G2E3: variants seen among roughly 807,000 people sequenced by gnomAD.
G2E3 encodes G2/M-phase specific E3 ubiquitin protein ligase.
Under a neutral mutation model 92.8 loss-of-function variants are expected in G2E3, and 35 were observed. That is an observed-to-expected ratio of 0.38 (90% CI 0.29 to 0.50). G2E3 has a LOEUF of 0.50. Among genes scored for constraint, G2E3 ranks in the 20% least tolerant of loss-of-function variants. The pLI is 0.94. For synonymous variants in G2E3, 242 were observed against 272.4 expected, an observed-to-expected ratio of 0.89 and a Z score of 1.10; for missense variants, 554 against 823.8, an observed-to-expected ratio of 0.67 and a Z score of 4.01.
chr14:30,562,329 T>A (rs1206082574), intron 1 of G2E3, among the ~76,000 whole-genome samples: 2 of 152,086 alleles, frequency 1.3e-5, no homozygotes, highest in Non-Finnish European at 2.9e-5. Flanking sequence ...AATTACTCTT[T>A]ATTCCAATAT....
At chr14:30,576,154 C>G (rs1327141979) in intron 1 of G2E3, among the ~76,000 whole-genome samples, 2 of 152,146 alleles carry the variant, frequency 1.3e-5, no homozygotes, top group Non-Finnish European at 2.9e-5. Flanking sequence ...CAGCATAGTA[C>G]TGGTACAAAA....
At chr14:30,563,693 T>TGTG (rs1879255110) in intron 1 of G2E3, among the ~76,000 whole-genome samples, 1 of 118,422 alleles carries the variant, frequency 8.4e-6, no homozygotes, top group African/African-American at 3.7e-5. Flanking sequence ...ACTTTGTTAC[T>TGTG]TTTGTGTGTG....
At chr14:30,612,760 G>C (rs1566553456) in intron 13 of G2E3, among the ~76,000 whole-genome samples, 2 of 152,088 alleles carry the variant, frequency 1.3e-5, no homozygotes, top group Non-Finnish European at 2.9e-5. Flanking sequence ...GGGAGGCTGA[G>C]GCAGGAGAAT....
intron 1 of G2E3, among the ~76,000 whole-genome samples, chr14:30,568,399 T>G (rs1359001762): frequency 1.3e-5 from 2 of 152,114 alleles, no homozygotes; most frequent in African/African-American, 2.4e-5. Flanking sequence ...GTGTAATTCA[T>G]TTACATTTAA....
intron 1 of G2E3, among the ~76,000 whole-genome samples, chr14:30,577,369 C>G (rs1411618999): frequency 6.6e-6 from 1 of 151,944 alleles, no homozygotes; most frequent in Non-Finnish European, 1.5e-5. Context: ...TAACAGATAA[C>G]TCCAGAACTT....
chr14:30,597,105 C>T (rs190116018), intron 6 of G2E3, among the ~76,000 whole-genome samples: 1 of 152,170 alleles, frequency 6.6e-6, no homozygotes, highest in Admixed American at 6.5e-5. Flanking sequence ...ATTTTTTTCT[C>T]ACATTTTAAA....
At chr14:30,594,788 T>C (rs941137488) in intron 6 of G2E3, among the ~76,000 whole-genome samples, 1 of 151,982 alleles carries the variant, frequency 6.6e-6, no homozygotes, top group Non-Finnish European at 1.5e-5. Context: ...CTTTTTTTTT[T>C]TTTGTATGGA....
chr14:30,562,526 A>AGAGGAC lies in G2E3; in HGVS notation c.-5+3255_-5+3260dup, dbSNP rs1460122177. 7.9e-5 allele frequency among the ~76,000 whole-genome samples: 12 copies of AGAGGAC among 152,280 alleles called. No individual in the cohort carries two copies. The South Asian group carries it at 2.1e-3, about 26-fold the overall frequency. The stretch of plus-strand genomic sequence containing the variant: ...GCGTCTGGGAAGACGCCCGTTGCCA[A>AGAGGAC]GAGGACCATGGTCTAGCGATAGCGT... On this transcript the variant is annotated intron_variant, in intron 1 of 14. Coordinates refer to ENST00000206595, the MANE Select transcript of G2E3 (RefSeq NM_017769.5).
intron 10 of G2E3, among the ~76,000 whole-genome samples, chr14:30,603,639 C>T (rs966318565): frequency 2.0e-5 from 3 of 152,090 alleles, no homozygotes; most frequent in Admixed American, 1.3e-4. Flanking sequence ...CCCTGGAGTT[C>T]GAAACCAGTC....
chr14:30,591,559 C>T (rs1299218344), intron 4 of G2E3, among the ~76,000 whole-genome samples: 1 of 152,116 alleles, frequency 6.6e-6, no homozygotes, highest in East Asian at 1.9e-4. Flanking sequence ...ATGCTTCTCC[C>T]CTAGCTTCAC....
At chr14:30,609,992 C>A (rs1882012346) in intron 12 of G2E3, among the ~76,000 whole-genome samples, 1 of 152,110 alleles carries the variant, frequency 6.6e-6, no homozygotes, top group Non-Finnish European at 1.5e-5. Context: ...ATGATTCTTC[C>A]AAAAGTACAG....
At chr14:30,582,784 A>G (rs1880505303) in intron 2 of G2E3, among the ~76,000 whole-genome samples, 1 of 152,166 alleles carries the variant, frequency 6.6e-6, no homozygotes. Context: ...GTTAGGAGAG[A>G]TACTTCGAGT....
Position 30,583,062 on chromosome 14 carries a change from G to A in G2E3, c.37+1946G>A, listed in dbSNP as rs868321494. Among the ~76,000 whole-genome samples the A allele has an allele frequency of 3.3e-5, 5 of 152,266 alleles. No individual in the cohort carries two copies. In the South Asian group the frequency reaches 8.3e-4, roughly 25 times the overall value. ...AAGTTTATTGCTTGGTCAGGTTACA[G>A]TCCAGTGTGCATGGTTTAAGGAAGA... On this transcript the variant is annotated intron_variant, in intron 2 of 14. Coordinates refer to ENST00000206595, the MANE Select transcript of G2E3 (RefSeq NM_017769.5).
chr14:30,571,758 A>G (rs146855581), intron 1 of G2E3, among the ~76,000 whole-genome samples: 4 of 152,068 alleles, frequency 2.6e-5, no homozygotes, highest in African/African-American at 7.2e-5. Context: ...CTTGTGTTCT[A>G]TTGAGCTATA....
intron 12 of G2E3, among the ~76,000 whole-genome samples, chr14:30,608,389 T>A (rs1881931520): frequency 1.3e-5 from 2 of 152,288 alleles, no homozygotes; most frequent in South Asian, 4.1e-4. Flanking sequence ...TGAGGCAGAT[T>A]CCCTATTGCA....
intron 1 of G2E3, among the ~76,000 whole-genome samples, chr14:30,562,600 C>G (rs957038474): frequency 1.3e-5 from 2 of 152,060 alleles, no homozygotes; most frequent in African/African-American, 4.8e-5. Flanking sequence ...GAAAGGGAGT[C>G]TCCCTTTCCC....
chr14:30,592,311 ATAC>A lies in G2E3; in HGVS notation c.238-10_238-8del. 1 of 1,611,290 alleles carries A rather than the reference ATAC, an allele frequency of 6.2e-7. No homozygotes were observed. Among genetic ancestry groups the A allele is most frequent in the Non-Finnish European group, 8.5e-7 (1 of 1,177,856 alleles). Reference sequence around the variant, plus strand: ...TTTATGTTGTGACCCCTATTTTCACATACTCTTCTAGAAATGCTGTGTTTGCAA... The same window carrying A: ...TTTATGTTGTGACCCCTATTTTCACATCTTCTAGAAATGCTGTGTTTGCAA... On this transcript the variant is annotated splice_polypyrimidine_tract_variant and intron_variant, in intron 4 of 14. Coordinates refer to ENST00000206595, the MANE Select transcript of G2E3 (RefSeq NM_017769.5).
At chr14:30,597,298 C>A in intron 6 of G2E3, 122 bp from the exon 7 acceptor site, 1 of 642,224 alleles carries the variant, frequency 1.6e-6, no homozygotes, top group South Asian at 2.0e-5. Flanking sequence ...GTTTGAGAAC[C>A]CACTAGCATA....
At chr14:30,563,875 C>T (rs898913515) in intron 1 of G2E3, among the ~76,000 whole-genome samples, 6 of 151,978 alleles carry the variant, frequency 3.9e-5, no homozygotes, top group South Asian at 2.1e-4. Context: ...CCTGCCACCA[C>T]GCCCGGCTAA....
Sources: gnomAD v4.1 joint callset for allele counts (sites outside exome capture counted in the v4.1 genomes callset) on GRCh38, gnomAD v4.1.1 for gene constraint, MANE v1.5 for transcripts, NCBI Gene and HGNC (gene_info 2026-07-23, HGNC 2026-07-21) for gene names.